The following C1orf21 variants were observed in gnomAD, a reference collection of about 807,000 sequenced individuals.
C1orf21 encodes uncharacterized protein C1orf21.
A neutral mutation model predicts 18.7 loss-of-function variants in C1orf21; 3 were observed. That is an observed-to-expected ratio of 0.16 (90% CI 0.07 to 0.42). The LOEUF (loss-of-function observed/expected upper bound fraction) is 0.42, where lower values mean the gene tolerates loss of function less well. Among genes scored for constraint, C1orf21 ranks in the 10% least tolerant of loss-of-function variants. The probability of loss-of-function intolerance (pLI) is 0.99; values close to 1 mark genes in which losing one functional copy is unlikely to be tolerated. For synonymous variants in C1orf21, 41 were observed against 46.4 expected (o/e 0.88, Z 0.47); for missense variants, 104 against 143.6 (o/e 0.72, Z 1.41).
At chr1:184,569,811 T>C (rs1321665138) in intron 3 of C1orf21, among the ~76,000 whole-genome samples, 1 of 152,188 alleles carries the variant, frequency 6.6e-6, no homozygotes, top group African/African-American at 2.4e-5. Flanking sequence ...TGAGCTAGGG[T>C]TGGTAAAGGA....
chr1:184,468,227 T>G (rs1229628363), intron 1 of C1orf21, among the ~76,000 whole-genome samples: 1 of 152,352 alleles, frequency 6.6e-6, no homozygotes, highest in East Asian at 1.9e-4. Context: ...GCTTATTTCC[T>G]TGAGCAGCTC....
intron 3 of C1orf21, among the ~76,000 whole-genome samples, chr1:184,542,247 C>T (rs193259825): frequency 1.3e-5 from 2 of 152,296 alleles, no homozygotes; most frequent in East Asian, 3.9e-4. Flanking sequence ...ATAATACCAA[C>T]AGCATACACT....
chr1:184,554,595 A>G (rs575604643), intron 3 of C1orf21, among the ~76,000 whole-genome samples: 1 of 152,374 alleles, frequency 6.6e-6, no homozygotes, highest in South Asian at 2.1e-4. Context: ...CTTTAAAAAA[A>G]TAAGTGATGG....
At chr1:184,493,127 CAT>C (rs1657838782) in intron 2 of C1orf21, among the ~76,000 whole-genome samples, 1 of 152,144 alleles carries the variant, frequency 6.6e-6, no homozygotes, top group African/African-American at 2.4e-5. Flanking sequence ...ACTCACAACA[CAT>C]GTTTAAACTA....
chr1:184,468,255 A>T (rs1657436429), intron 1 of C1orf21, among the ~76,000 whole-genome samples: 1 of 152,184 alleles, frequency 6.6e-6, no homozygotes, highest in Non-Finnish European at 1.5e-5. Context: ...AGCAGGATGG[A>T]AGCAGGTTTT....
chr1:184,398,083 T>C (rs1175185857), intron 1 of C1orf21, among the ~76,000 whole-genome samples: 1 of 152,210 alleles, frequency 6.6e-6, no homozygotes, highest in Non-Finnish European at 1.5e-5. Context: ...ATGTGGGCTA[T>C]GGATTCAGCG....
intron 1 of C1orf21, among the ~76,000 whole-genome samples, chr1:184,439,535 A>G (rs1656912599): frequency 1.3e-5 from 2 of 152,090 alleles, no homozygotes; most frequent in South Asian, 2.1e-4. Context: ...GAGAAGTCAG[A>G]GAGAACATTT....
intron 1 of C1orf21, among the ~76,000 whole-genome samples, chr1:184,456,045 T>C (rs1184367069): frequency 1.3e-5 from 2 of 152,168 alleles, no homozygotes. Context: ...TAAGACCCTC[T>C]CAGAACATTA....
At chr1:184,612,915 T>A (rs1390867662) in intron 5 of C1orf21, among the ~76,000 whole-genome samples, 1 of 152,206 alleles carries the variant, frequency 6.6e-6, no homozygotes, top group Non-Finnish European at 1.5e-5. Context: ...TTACTGTTGT[T>A]ACTCTCTTGC....
At chr1:184,417,080 G>GGT (rs370403653) in intron 1 of C1orf21, among the ~76,000 whole-genome samples, 5 of 152,094 alleles carry the variant, frequency 3.3e-5, no homozygotes, top group African/African-American at 9.6e-5. Context: ...TCTCTTGTGG[G>GGT]GTGTGTGTGT....
rs972927089 is a variant in C1orf21, at chr1:184,619,931, C to T, written c.*375C>T. ...GGTAGTGGTGAACTCAGATAACAAA[C>T]TTCTCTTCTAAACTGGTTCTGCTTC... is the stretch of plus-strand genomic sequence containing the variant. On this transcript the variant is annotated 3_prime_UTR_variant, in exon 6 of 6. Transcript: ENST00000235307. 3.2e-5 allele frequency: 6 copies of T among 187,954 alleles called. No individual in the cohort carries two copies. The highest frequency in any genetic ancestry group is 2.3e-3 in the Middle Eastern group (1 of 440). 11.6% of individuals were successfully genotyped at this position (187,954 alleles called of 1,614,324 possible). A position where few individuals can be genotyped will look rare whatever the true frequency, so the allele number is the denominator to read the frequency against.
At position 184,561,343 on chromosome 1, in the gene C1orf21, C is replaced by T. The variant is rs1233616837; in HGVS notation, c.190-29396C>T. 2.0e-5 allele frequency among the ~76,000 whole-genome samples: 3 copies of T among 152,240 alleles called. No individual in the cohort carries two copies. The East Asian group carries it at 5.8e-4, about 29-fold the overall frequency. ...TACCTGCTGAACTTTGCCAAACCACCTTGAGCAGGGATATAGGTATAATCC... is the reference window on the plus strand; with the variant it reads ...TACCTGCTGAACTTTGCCAAACCACTTTGAGCAGGGATATAGGTATAATCC... On this transcript the variant is annotated intron_variant, in intron 3 of 5. Coordinates refer to ENST00000235307, the MANE Select transcript of C1orf21 (RefSeq NM_030806.4).
At chr1:184,475,100 C>T (rs1030454394) in intron 1 of C1orf21, among the ~76,000 whole-genome samples, 4 of 152,210 alleles carry the variant, frequency 2.6e-5, no homozygotes, top group African/African-American at 9.7e-5. Flanking sequence ...CCCACCTTTA[C>T]AGCTGAACCC....
intron 3 of C1orf21, among the ~76,000 whole-genome samples, chr1:184,570,935 G>A (rs1400897943): frequency 1.3e-5 from 2 of 152,200 alleles, no homozygotes; most frequent in Admixed American, 6.5e-5. Context: ...TCACTGAGCT[G>A]AATCTTGCAA....
intron 3 of C1orf21, among the ~76,000 whole-genome samples, chr1:184,588,894 C>T (rs775288791): frequency 6.6e-6 from 1 of 152,086 alleles, no homozygotes; most frequent in Non-Finnish European, 1.5e-5. Context: ...AAGCGCACTC[C>T]TGGGAGTGAT....
intron 4 of C1orf21, 109 bp from the exon 5 acceptor site, chr1:184,598,292 C>A: frequency 1.1e-6 from 1 of 891,734 alleles, no homozygotes; most frequent in Non-Finnish European, 1.7e-6. Context: ...GAAAAGTCTG[C>A]AATAAATAAA....
intron 4 of C1orf21, among the ~76,000 whole-genome samples, chr1:184,597,694 C>CCA (rs1485233098): frequency 1.4e-5 from 2 of 139,700 alleles, no homozygotes; most frequent in African/African-American, 6.0e-5. Flanking sequence ...CCATGCTCTT[C>CCA]CCATATGTAA....
chr1:184,432,266 C>G (rs1656777119), intron 1 of C1orf21, among the ~76,000 whole-genome samples: 1 of 152,158 alleles, frequency 6.6e-6, no homozygotes, highest in African/African-American at 2.4e-5. Context: ...AGACTTGGAA[C>G]CAATCTAAGT....
At chr1:184,448,892 A>G (rs146408579) in intron 1 of C1orf21, among the ~76,000 whole-genome samples, 1 of 152,260 alleles carries the variant, frequency 6.6e-6, no homozygotes, top group East Asian at 1.9e-4. Context: ...CTTAGTGACC[A>G]CTTCAAAGTA....
Sources: allele counts gnomAD v4.1 joint callset (sites outside exome capture counted in the v4.1 genomes callset), GRCh38; gene constraint gnomAD v4.1.1; transcripts MANE v1.5; gene names NCBI Gene and HGNC (gene_info 2026-07-23, HGNC 2026-07-21).